The following PKD2L1 variants were observed in gnomAD, a reference collection of about 807,000 sequenced individuals.
The protein encoded by PKD2L1 is polycystin-2-like protein 1.
A neutral mutation model predicts 93.0 loss-of-function variants in PKD2L1; 77 were observed. That is an observed-to-expected ratio of 0.83 (90% confidence interval 0.69 to 1.00). The LOEUF is 1.00. Ranked by LOEUF, PKD2L1 falls within the 50% of genes least tolerant of loss-of-function variation. The pLI is 0.00. For synonymous variants in PKD2L1, 390 were observed against 388.0 expected (o/e 1.01, Z -0.06); for missense variants, 977 against 990.9 (o/e 0.99, Z 0.19).
chr10:100,293,478 G>T, intron 9 of PKD2L1, 99 bp from the exon 10 acceptor site: 1 of 787,806 alleles, frequency 1.3e-6, no homozygotes, highest in Admixed American at 1.9e-5. Context: ...GTTCCAAAGG[G>T]GTCAGTGCTC....
chr10:100,293,000 G>T lies in PKD2L1; in HGVS notation c.1828C>A (p.Gln610Lys). ...ERVSDVQKVL[Q>K]GGEQEIQFED... ...AACTGGATCTCCTGCTCCCCACCCT[G>T]CAGGACCTTCTGCACATCCGAAACC... The change falls in exon 11 of 16, where the codon CAG becomes AAG. Residue 610 changes from glutamine to lysine, a missense_variant. Transcript: ENST00000318222. 2 of 1,614,136 alleles carry T rather than the reference G, an allele frequency of 1.2e-6. No homozygotes were observed. Among genetic ancestry groups the T allele is most frequent in the Non-Finnish European group, 1.7e-6 (2 of 1,179,978 alleles).
intron 2 of PKD2L1, among the ~76,000 whole-genome samples, chr10:100,306,870 A>AAAG (rs1848814477): frequency 6.7e-6 from 1 of 150,224 alleles, no homozygotes; most frequent in South Asian, 2.1e-4. Flanking sequence ...AAAAAAAAAA[A>AAAG]AAAGAAAGAG....
Position 100,299,597 on chromosome 10 carries a change from G to C in PKD2L1, c.471C>G (p.Phe157Leu). 1 of 1,613,908 alleles carries C rather than the reference G, an allele frequency of 6.2e-7. No individual in the cohort carries two copies. Among genetic ancestry groups the C allele is most frequent in the Non-Finnish European group, 8.5e-7 (1 of 1,179,814 alleles). ...SFQAISSMAD[F>L]WDFAQGPLLD... ...GAAAAGATCTTATACTCACATCCCA[G>C]AAGTCCGCCATGCTGCTGATGGCCT... The change falls in exon 3 of 16, where the codon TTC becomes TTG. Residue 157 changes from phenylalanine (F) to leucine (L), a missense_variant. Transcript: ENST00000318222.
chr10:100,306,718 G>A (rs1308495018), intron 2 of PKD2L1, among the ~76,000 whole-genome samples: 1 of 151,480 alleles, frequency 6.6e-6, no homozygotes. Flanking sequence ...AAAATTGGGT[G>A]TGTTGGCACA....
chr10:100,297,108 C>G lies in PKD2L1; in HGVS notation c.1057G>C (p.Val353Leu). 6.2e-7 allele frequency: 1 copy of G among 1,614,118 alleles called. No homozygotes were observed. The highest frequency in any genetic ancestry group is 8.5e-7 in the Non-Finnish European group (1 of 1,179,998). The change falls in exon 6 of 16, where the codon GTT (valine) becomes CTT (leucine). Residue 353 changes from valine to leucine, a missense_variant. Transcript: ENST00000318222. ...ACGCAGAAGATGACCTCACAGCCAA[C>G]GATAAAGAAGTCCCAGTTGCTGACA... ...RYVSNWDFFI[V>L]GCEVIFCVFI... is the part of the protein sequence containing the mutation.
At chr10:100,301,601 C>T (rs1440536881) in intron 2 of PKD2L1, among the ~76,000 whole-genome samples, 1 of 152,148 alleles carries the variant, frequency 6.6e-6, no homozygotes, top group Non-Finnish European at 1.5e-5. Context: ...GGCAGCCAGA[C>T]TTTAAGGTTA....
At chr10:100,316,706 T>C (rs1480008414) in intron 2 of PKD2L1, among the ~76,000 whole-genome samples, 1 of 152,246 alleles carries the variant, frequency 6.6e-6, no homozygotes, top group Non-Finnish European at 1.5e-5. Flanking sequence ...CATTTTGTTC[T>C]CAGAACCCCT....
intron 2 of PKD2L1, among the ~76,000 whole-genome samples, chr10:100,306,855 C>CA (rs61413476): frequency 0.17 from 8,584 of 49,812 alleles, 908 homozygotes; most frequent in Middle Eastern, 0.23. Context: ...GAGACCCTGT[C>CA]AAAAAAAAAA....
At chr10:100,311,333 T>C (rs796311720) in intron 2 of PKD2L1, among the ~76,000 whole-genome samples, 32 of 152,318 alleles carry the variant, frequency 2.1e-4, no homozygotes, top group African/African-American at 7.5e-4. Context: ...TAATTGTAGT[T>C]CTAACAGGCT....
chr10:100,307,224 C>A (rs1848824565), intron 2 of PKD2L1, among the ~76,000 whole-genome samples: 1 of 152,170 alleles, frequency 6.6e-6, no homozygotes, highest in African/African-American at 2.4e-5. Flanking sequence ...GCGGTGGGTG[C>A]CAATATTATC....
intron 2 of PKD2L1, among the ~76,000 whole-genome samples, chr10:100,316,806 G>A (rs1375069819): frequency 2.6e-5 from 4 of 152,292 alleles, no homozygotes; most frequent in Non-Finnish European, 1.5e-5. Flanking sequence ...GTTAAAACTG[G>A]CCAGACACAG....
chr10:100,318,579 C>T (rs977161929), intron 2 of PKD2L1, among the ~76,000 whole-genome samples: 4 of 149,340 alleles, frequency 2.7e-5, no homozygotes, highest in East Asian at 2.0e-4. Flanking sequence ...AGTGCAGTGG[C>T]GTGATCTCGG....
chr10:100,318,849 A>G lies in PKD2L1; in HGVS notation c.349+10362T>C, dbSNP rs556977113. ...TTCTTTTCTTTTTTTCTCTCTCTCT[A>G]TCTTTTTTTTTTTTTTAGATGGAAT... On this transcript the variant is annotated intron_variant, in intron 2 of 15. Transcript: ENST00000318222. Among the ~76,000 whole-genome samples the G allele has an allele frequency of 2.7e-5, 3 of 111,446 alleles. No homozygotes were observed. In the East Asian group the frequency reaches 7.3e-4, roughly 27 times the overall value. The allele number at this position is 111,446 out of a possible 152,430, so 73.1% of individuals were successfully genotyped here. A position where few individuals can be genotyped will look rare whatever the true frequency, so the allele number is the denominator to read the frequency against.
chr10:100,318,209 C>T (rs1243174713), intron 2 of PKD2L1, among the ~76,000 whole-genome samples: 2 of 152,196 alleles, frequency 1.3e-5, no homozygotes, highest in East Asian at 3.8e-4. Context: ...CACCCAATAA[C>T]ATAATTGTCA....
rs764584879 is a variant in PKD2L1 at position 100,297,591 on chromosome 10, C to T, written c.747G>A (p.Ser249=). ...GGGAGAAGCCCCCCAACTCATCCTG[C>T]GAGTGGTATGTCCACCTGCCACAGA... ...PFNGTAWTYH[S]QDELGGFSHW... is the part of the protein sequence containing the mutation. Residue 249 remains serine, a synonymous_variant, in exon 5 of 16, where the codon TCG becomes TCA. Coordinates refer to ENST00000318222, the MANE Select transcript of PKD2L1 (RefSeq NM_016112.3). 3.7e-6 allele frequency: 6 copies of T among 1,613,004 alleles called. No individual in the cohort carries two copies. Among genetic ancestry groups the T allele is most frequent in the South Asian group, 3.3e-5 (3 of 91,022 alleles).
chr10:100,301,340 G>A (rs1848669195), intron 2 of PKD2L1, among the ~76,000 whole-genome samples: 1 of 152,178 alleles, frequency 6.6e-6, no homozygotes, highest in Non-Finnish European at 1.5e-5. Flanking sequence ...GAATTTGCCA[G>A]CCTGGAATTT....
intron 11 of PKD2L1, 24 bp from the exon 12 acceptor site, chr10:100,291,451 T>C (rs1166722791): frequency 1.2e-6 from 2 of 1,613,036 alleles, no homozygotes; most frequent in African/African-American, 2.7e-5. Flanking sequence ...GATGAAATGA[T>C]TTCTGCCCAG....
Position 100,295,995 on chromosome 10 carries a change from C to A in PKD2L1, c.1356+127G>T, listed in dbSNP as rs1237685450. On this transcript the variant is annotated intron_variant, in intron 7 of 15. Coordinates refer to ENST00000318222, the MANE Select transcript of PKD2L1 (RefSeq NM_016112.3). ...AGGTTGCAGTGAGCCAAGATCGCCC[C>A]CACTTCACTCCAGCCTGGGCAAGAG... 47 of 770,698 alleles carry A rather than the reference C, an allele frequency of 6.1e-5. No homozygotes were observed. The South Asian group carries it at 7.4e-4, about 12-fold the overall frequency. The allele number at this position is 770,698 out of a possible 1,614,324, so 47.7% of individuals were successfully genotyped here.
intron 2 of PKD2L1, among the ~76,000 whole-genome samples, chr10:100,308,306 T>G (rs542335843): frequency 3.9e-4 from 60 of 152,254 alleles, no homozygotes; most frequent in African/African-American, 1.4e-3. Context: ...CATCTCCATT[T>G]TATACAGATA....
Sources: gnomAD v4.1 joint callset for allele counts (sites outside exome capture counted in the v4.1 genomes callset) on GRCh38, gnomAD v4.1.1 for gene constraint, MANE v1.5 for transcripts, NCBI Gene and HGNC (gene_info 2026-07-23, HGNC 2026-07-21) for gene names.